Variants in TYW1B observed in about 807,000 individuals in gnomAD.
TYW1B encodes the protein S-adenosyl-L-methionine-dependent tRNA 4-demethylwyosine synthase TYW1B.
TYW1B carries 73 observed loss-of-function variants against 86.9 expected under a neutral mutation model. That is an observed-to-expected ratio of 0.84 (90% CI 0.70 to 1.02). The LOEUF is 1.02. Ranked by LOEUF, TYW1B falls within the 50% of genes least tolerant of loss-of-function variation. The probability of loss-of-function intolerance (pLI) is 0.00; values close to 1 mark genes in which losing one functional copy is unlikely to be tolerated. For synonymous variants in TYW1B, 248 were observed against 292.8 expected (o/e 0.85, Z 1.56); for missense variants, 637 against 827.4 (o/e 0.77, Z 2.82).
At chr7:72,811,930 AAAAAAG>A (rs1248175475) in intron 3 of TYW1B, among the ~76,000 whole-genome samples, 63 of 149,642 alleles carry the variant, frequency 4.2e-4, no homozygotes, top group South Asian at 8.5e-4. Context: ...AAAAAAAAAA[AAAAAAG>A]GAAAAGAAAA....
At chr7:72,792,051 C>T (rs1284655160) in intron 6 of TYW1B, among the ~76,000 whole-genome samples, 2 of 152,070 alleles carry the variant, frequency 1.3e-5, no homozygotes, top group African/African-American at 4.8e-5. Context: ...TGATTCAGGC[C>T]AGGCGCAGTG....
chr7:72,713,223 C>T (rs2129570714), intron 10 of TYW1B, among the ~76,000 whole-genome samples: 1 of 142,564 alleles, frequency 7.0e-6, no homozygotes, highest in East Asian at 2.2e-4. Context: ...ATCACTTGAA[C>T]CTAGGAGGCG....
intron 13 of TYW1B, among the ~76,000 whole-genome samples, chr7:72,581,559 C>T (rs1312572170): frequency 2.0e-4 from 30 of 151,818 alleles, no homozygotes; most frequent in African/African-American, 6.8e-4. Context: ...CTCGGGTTCA[C>T]GTGATTCTCC....
intron 11 of TYW1B, among the ~76,000 whole-genome samples, chr7:72,684,917 C>T (rs1554449003): frequency 1.3e-5 from 2 of 151,944 alleles, no homozygotes; most frequent in Non-Finnish European, 1.5e-5. Flanking sequence ...TCAATACCAG[C>T]CTGGCCAACA....
At chr7:72,637,023 A>AC (rs1167076962) in intron 11 of TYW1B, among the ~76,000 whole-genome samples, 1 of 152,124 alleles carries the variant, frequency 6.6e-6, no homozygotes, top group Non-Finnish European at 1.5e-5. Flanking sequence ...CTAAAAATAC[A>AC]AAATTAGCTG....
At chr7:72,577,034 G>A (rs529499861) in intron 13 of TYW1B, among the ~76,000 whole-genome samples, 1 of 152,068 alleles carries the variant, frequency 6.6e-6, no homozygotes, top group East Asian at 2.0e-4. Flanking sequence ...GGCTGAGGCA[G>A]GAGAATCACT....
chr7:72,586,337 T>A (rs1274616577), intron 13 of TYW1B, among the ~76,000 whole-genome samples: 1 of 152,198 alleles, frequency 6.6e-6, no homozygotes, highest in Non-Finnish European at 1.5e-5. Context: ...TAGACACAGT[T>A]GACTGCTACA....
intron 10 of TYW1B, among the ~76,000 whole-genome samples, chr7:72,702,536 C>T (rs1459918952): frequency 3.9e-5 from 6 of 151,914 alleles, no homozygotes; most frequent in Non-Finnish European, 5.9e-5. Flanking sequence ...TACAGGTGCC[C>T]GCCACCACAC....
intron 11 of TYW1B, among the ~76,000 whole-genome samples, chr7:72,679,356 CTG>C (rs1181452998): frequency 6.6e-6 from 1 of 152,168 alleles, no homozygotes; most frequent in Admixed American, 6.5e-5. Flanking sequence ...GAGTTAGAAA[CTG>C]TGAAACAATC....
chr7:72,621,381 T>C (rs1239982912), intron 12 of TYW1B, among the ~76,000 whole-genome samples: 1 of 152,234 alleles, frequency 6.6e-6, no homozygotes, highest in Non-Finnish European at 1.5e-5. Context: ...TAAACCAGCC[T>C]GAGCTTCTCA....
chr7:72,825,071 C>T (rs1554481197), intron 2 of TYW1B, among the ~76,000 whole-genome samples: 1 of 150,612 alleles, frequency 6.6e-6, no homozygotes, highest in South Asian at 2.1e-4. Context: ...CAACTGCACT[C>T]CAGCCTGGGC....
At chr7:72,709,333 C>T (rs765218831) in intron 10 of TYW1B, among the ~76,000 whole-genome samples, 23 of 152,190 alleles carry the variant, frequency 1.5e-4, no homozygotes, top group Non-Finnish European at 3.2e-4. Flanking sequence ...CTCCCTGAAG[C>T]ACAGCACCCT....
At chr7:72,825,417 G>T (rs1447741679) in intron 2 of TYW1B, among the ~76,000 whole-genome samples, 1 of 152,224 alleles carries the variant, frequency 6.6e-6, no homozygotes, top group Non-Finnish European at 1.5e-5. Flanking sequence ...AGTGGCTCAC[G>T]CCTGTAATCC....
At chr7:72,783,366 A>G (rs1166007051) in intron 6 of TYW1B, among the ~76,000 whole-genome samples, 2 of 148,808 alleles carry the variant, frequency 1.3e-5, no homozygotes, top group South Asian at 2.2e-4. Context: ...CCTGGGCAAC[A>G]AAGCAAGACT....
At chr7:72,734,690 T>G (rs1240203104) in intron 8 of TYW1B, among the ~76,000 whole-genome samples, 2 of 152,224 alleles carry the variant, frequency 1.3e-5, no homozygotes, top group African/African-American at 4.8e-5. Flanking sequence ...TGACAGAAGA[T>G]ATTTCCAAAC....
chr7:72,758,417 T>C (rs1333163165), intron 7 of TYW1B, among the ~76,000 whole-genome samples: 2 of 152,116 alleles, frequency 1.3e-5, no homozygotes, highest in African/African-American at 4.8e-5. Flanking sequence ...CTATGTTCTA[T>C]TCCTAAATAA....
At chr7:72,619,093 C>T (rs1383434932) in intron 12 of TYW1B, among the ~76,000 whole-genome samples, 1 of 152,222 alleles carries the variant, frequency 6.6e-6, no homozygotes, top group Admixed American at 6.5e-5. Context: ...CTCCCCTTTC[C>T]TTCCACCAAT....
chr7:72,575,276 A>C lies in TYW1B; in HGVS notation c.*222T>G, dbSNP rs1170302294. ...AAAATAATTTTCCTCTTAGAAGTAA[A>C]ATCAGGAAAGGGGCTGAGTTCTGAA... On this transcript the variant is annotated 3_prime_UTR_variant, in exon 14 of 14. Transcript: ENST00000620995. 7.3e-7 allele frequency: 1 copy of C among 1,374,836 alleles called. No individual in the cohort carries two copies. Among genetic ancestry groups the C allele is most frequent in the African/African-American group, 1.5e-5 (1 of 68,892 alleles). The allele number at this position is 1,374,836 out of a possible 1,614,324, so 85.2% of individuals were successfully genotyped here. A position where few individuals can be genotyped will look rare whatever the true frequency, so the allele number is the denominator to read the frequency against.
chr7:72,631,157 A>AT (rs1230389172), intron 11 of TYW1B, among the ~76,000 whole-genome samples: 1 of 151,774 alleles, frequency 6.6e-6, no homozygotes, highest in African/African-American at 2.4e-5. Flanking sequence ...CATCCTTAAC[A>AT]TTAAAAAAAA....
Sources: allele counts gnomAD v4.1 joint callset (sites outside exome capture counted in the v4.1 genomes callset), GRCh38; gene constraint gnomAD v4.1.1; transcripts MANE v1.5; gene names NCBI Gene and HGNC (gene_info 2026-07-23, HGNC 2026-07-21).